Variants in DCLK2 observed in about 807,000 individuals in gnomAD.
The protein encoded by DCLK2 is serine/threonine-protein kinase DCLK2.
In DCLK2, 31 loss-of-function variants were observed where a neutral mutation model predicts 78.4. The observed-to-expected ratio is 0.40, with a 90% CI of 0.30 to 0.53. The LOEUF (loss-of-function observed/expected upper bound fraction) is 0.53. DCLK2 is among the 20% of genes least tolerant of loss of function. The pLI is 0.61. For synonymous variants in DCLK2, 407 were observed against 374.9 expected, an observed-to-expected ratio of 1.09 and a Z score of -0.99; for missense variants, 872 against 973.7, an observed-to-expected ratio of 0.90 and a Z score of 1.39.
chr4:150,228,741 C>G (rs572655846), intron 8 of DCLK2, among the ~76,000 whole-genome samples: 1 of 152,210 alleles, frequency 6.6e-6, no homozygotes, highest in Non-Finnish European at 1.5e-5. Context: ...AAAACTATGG[C>G]TGGGGCCGGG....
At chr4:150,118,087 A>G (rs1732236088) in intron 2 of DCLK2, among the ~76,000 whole-genome samples, 3 of 152,068 alleles carry the variant, frequency 2.0e-5, no homozygotes, top group Admixed American at 1.3e-4. Context: ...AGGAAGTGTG[A>G]TTCTGGACCC....
chr4:150,120,045 T>C (rs1008155436), intron 2 of DCLK2, among the ~76,000 whole-genome samples: 7 of 152,234 alleles, frequency 4.6e-5, no homozygotes, highest in Non-Finnish European at 8.8e-5. Flanking sequence ...GATAGCAATT[T>C]GTACCAGTAT....
chr4:150,079,065 A>G lies in DCLK2; in HGVS notation c.38A>G (p.Glu13Gly). ...STRSIELEHFEERDKRPRPGS... is the reference protein window; with the variant it reads ...STRSIELEHFGERDKRPRPGS... ...AGGAGTATCGAGCTGGAGCACTTTG[A>G]GGAACGGGACAAAAGGCCGCGGCCG... Residue 13 changes from glutamate (E) to glycine (G), a missense_variant, in exon 1 of 16, where the codon GAG (glutamate) becomes GGG (glycine). Transcript: ENST00000296550. The G allele has an allele frequency of 1.3e-6, 2 of 1,555,536 alleles. No individual in the cohort carries two copies. Among genetic ancestry groups the G allele is most frequent in the Non-Finnish European group, 1.7e-6 (2 of 1,155,562 alleles).
chr4:150,247,055 G>C (rs1743373477), intron 12 of DCLK2, among the ~76,000 whole-genome samples: 1 of 152,064 alleles, frequency 6.6e-6, no homozygotes, highest in African/African-American at 2.4e-5. Context: ...GGCTGTTAAA[G>C]TGCAAAGAAG....
chr4:150,090,385 T>G (rs1261152072), intron 1 of DCLK2, among the ~76,000 whole-genome samples: 1 of 152,180 alleles, frequency 6.6e-6, no homozygotes, highest in Non-Finnish European at 1.5e-5. Flanking sequence ...CACTCCAGCC[T>G]GGGCAACAAG....
At chr4:150,095,090 G>T (rs1164844193) in intron 1 of DCLK2, among the ~76,000 whole-genome samples, 1 of 152,220 alleles carries the variant, frequency 6.6e-6, no homozygotes, top group Non-Finnish European at 1.5e-5. Context: ...AGAGTGAGGA[G>T]TGACATAATT....
chr4:150,236,097 G>T (rs967654194), intron 10 of DCLK2, among the ~76,000 whole-genome samples: 3 of 152,156 alleles, frequency 2.0e-5, no homozygotes, highest in Non-Finnish European at 4.4e-5. Flanking sequence ...TTTATTTAGA[G>T]AACACACAGT....
chr4:150,246,865 G>T (rs1281486342), intron 12 of DCLK2, among the ~76,000 whole-genome samples: 5 of 152,158 alleles, frequency 3.3e-5, no homozygotes, highest in Non-Finnish European at 5.9e-5. Flanking sequence ...CCTGTGAGCT[G>T]CTGACATGGG....
At chr4:150,102,895 T>C in intron 2 of DCLK2, 83 bp downstream of exon 2, 1 of 1,291,802 alleles carries the variant, frequency 7.7e-7, no homozygotes, top group Non-Finnish European at 1.0e-6. Context: ...CAATAGAAAT[T>C]TAGTAGTGTG....
In DCLK2 at chr4:150,256,741, C is replaced by T. The variant is rs547004664; in HGVS notation, c.*494C>T. On this transcript the variant is annotated 3_prime_UTR_variant, in exon 16 of 16. Transcript: ENST00000296550. ...ATTGCATTTGTCCTTTTGTGGGTGT[C>T]CTGTGAGAGGTGATATGGGGGCTAA... The T allele has an allele frequency of 3.5e-4, 54 of 152,382 alleles. No homozygotes were observed. The highest frequency in any genetic ancestry group is 7.1e-4 in the Non-Finnish European group (49 of 68,790). 9.4% of individuals were successfully genotyped at this position (152,382 alleles called of 1,614,324 possible). A position where few individuals can be genotyped will look rare whatever the true frequency, so the allele number is the denominator to read the frequency against.
chr4:150,228,406 T>C (rs1046115959), intron 8 of DCLK2, among the ~76,000 whole-genome samples: 10 of 152,194 alleles, frequency 6.6e-5, no homozygotes. Context: ...GTGAAGCCAT[T>C]GTGGGCAGCA....
chr4:150,148,626 T>C (rs1560812654), intron 2 of DCLK2, among the ~76,000 whole-genome samples: 4 of 152,098 alleles, frequency 2.6e-5, no homozygotes, highest in Non-Finnish European at 5.9e-5. Flanking sequence ...CACCACAAAT[T>C]TGATGTATAT....
At chr4:150,225,537 C>T (rs1229009152) in intron 8 of DCLK2, among the ~76,000 whole-genome samples, 1 of 152,152 alleles carries the variant, frequency 6.6e-6, no homozygotes, top group Non-Finnish European at 1.5e-5. Flanking sequence ...ACCAGAGCTA[C>T]CAGTCACGTA....
Position 150,247,645 on chromosome 4 carries a change from T to C in DCLK2, c.1821T>C (p.Ala607=), listed in dbSNP as rs1163931912. The C allele has an allele frequency of 1.9e-6, 3 of 1,614,090 alleles. No homozygotes were observed. The highest frequency in any genetic ancestry group is 2.5e-6 in the Non-Finnish European group (3 of 1,180,006). The change falls in exon 13 of 16, where the codon GCT becomes GCC. Residue 607 remains alanine, a synonymous_variant. Transcript: ENST00000296550. The part of the protein sequence containing the change: ...LQEDLFDQIL[A]GKLEFPAPYW... ...AAGATCTCTTCGACCAGATCTTGGCTGGGAAGCTGGAGTTTCCGGCCCCCT... is the reference window on the plus strand; with the variant it reads ...AAGATCTCTTCGACCAGATCTTGGCCGGGAAGCTGGAGTTTCCGGCCCCCT...
intron 1 of DCLK2, among the ~76,000 whole-genome samples, chr4:150,088,872 G>A (rs1176481208): frequency 6.6e-6 from 1 of 152,130 alleles, no homozygotes; most frequent in African/African-American, 2.4e-5. Flanking sequence ...GTTCCCCCAC[G>A]AAAGCACACT....
chr4:150,090,032 A>G (rs965969221), intron 1 of DCLK2, among the ~76,000 whole-genome samples: 5 of 152,204 alleles, frequency 3.3e-5, no homozygotes, highest in Non-Finnish European at 4.4e-5. Flanking sequence ...GTTGAAGCCA[A>G]AAGACTGTTA....
intron 2 of DCLK2, among the ~76,000 whole-genome samples, chr4:150,137,052 G>A (rs1376077776): frequency 1.5e-5 from 2 of 131,064 alleles, no homozygotes; most frequent in Non-Finnish European, 3.1e-5. Context: ...TGCAGTCATA[G>A]CTCACTGCAG....
At chr4:150,095,334 G>A (rs556528105) in intron 1 of DCLK2, among the ~76,000 whole-genome samples, 2 of 152,252 alleles carry the variant, frequency 1.3e-5, no homozygotes, top group East Asian at 1.9e-4. Flanking sequence ...ATCCCTAATC[G>A]ATATAGTTTA....
rs182032530 is a variant in DCLK2 at position 150,234,053 on chromosome 4, C to A, written c.1566+1225C>A. Among the ~76,000 whole-genome samples the A allele has an allele frequency of 6.2e-4, 94 of 152,252 alleles. 1 individual carries two copies. The highest frequency in any genetic ancestry group is 2.1e-3 in the African/African-American group (89 of 41,538). ...TCTGAGTCTTCTACATCATGTTAAT[C>A]CAAACACAGATTCCTCCATCCTCAG... is the stretch of plus-strand genomic sequence containing the variant. On this transcript the variant is annotated intron_variant, in intron 10 of 15. Coordinates refer to ENST00000296550, the MANE Select transcript of DCLK2 (RefSeq NM_001040260.4).
Sources: allele counts gnomAD v4.1 joint callset (sites outside exome capture counted in the v4.1 genomes callset), GRCh38; gene constraint gnomAD v4.1.1; transcripts MANE v1.5; gene names NCBI Gene and HGNC (gene_info 2026-07-23, HGNC 2026-07-21).